The following VWCE variants were observed in gnomAD, a reference collection of about 807,000 sequenced individuals.
The protein encoded by VWCE is von Willebrand factor C and EGF domains.
In VWCE, 68 loss-of-function variants were observed where a neutral mutation model predicts 102.9. That is an observed-to-expected ratio of 0.66 (90% CI 0.54 to 0.81). The LOEUF is 0.81. Among genes scored for constraint, VWCE ranks in the 30% least tolerant of loss-of-function variants. The pLI, the probability that VWCE is intolerant of heterozygous loss-of-function variation, is 0.00. For missense variants in VWCE, 1,137 were observed against 1,263.6 expected, an observed-to-expected ratio of 0.90 and a Z score of 1.52; for synonymous variants, 497 against 515.4, an observed-to-expected ratio of 0.96 and a Z score of 0.48.
chr11:61,294,857 C>A lies in VWCE; in HGVS notation c.110+71G>T. 1 of 1,120,538 alleles carries A rather than the reference C, an allele frequency of 8.9e-7. No individual in the cohort carries two copies. The highest frequency in any genetic ancestry group is 1.2e-6 in the Non-Finnish European group (1 of 865,666). 69.4% of individuals were successfully genotyped at this position (1,120,538 alleles called of 1,614,324 possible). A position where few individuals can be genotyped will look rare whatever the true frequency, so the allele number is the denominator to read the frequency against. ...CTGCCTGCGGCTCCTGAGCGCCCCT[C>A]CGCGCCTCTCGACTGCACGCCGGTA... On this transcript the variant is annotated intron_variant, in intron 1 of 19. Coordinates refer to ENST00000335613, the MANE Select transcript of VWCE (RefSeq NM_152718.2). This position sits in a 1 kb window ranked among gnomAD's most constrained non-coding sequence, Gnocchi z 6.3.
intron 19 of VWCE, among the ~76,000 whole-genome samples, chr11:61,259,521 C>T (rs1023642933): frequency 3.9e-5 from 6 of 152,154 alleles, no homozygotes; most frequent in African/African-American, 9.7e-5. Context: ...TGTGACCTCA[C>T]GCAAGGCATG....
rs1450032446 is a variant in VWCE, at chr11:61,273,201, G to C, written c.1697C>G (p.Thr566Arg). ...GGGGCAGCCCTGGACCAGCTCACCT[G>C]TCGAGGGTGTGGGCTCCTGGCAGGT... ...CFTCQEPTPS[T>R]GCSLDDNGVE... Residue 566 changes from threonine to arginine, a missense_variant and splice_region_variant, in exon 13 of 20, where the codon ACA (threonine) becomes AGA (arginine). This residue lies in a region of VWCE where 212 missense variants were observed against 235.1 expected (regional missense o/e 0.90). Transcript: ENST00000335613. The C allele has an allele frequency of 6.2e-7, 1 of 1,613,970 alleles. No individual in the cohort carries two copies. The highest frequency in any genetic ancestry group is 1.1e-5 in the South Asian group (1 of 91,052).
At chr11:61,268,873 T>C (rs769278535) in intron 15 of VWCE, 49 bp downstream of exon 15, 3 of 1,594,880 alleles carry the variant, frequency 1.9e-6, no homozygotes, top group East Asian at 2.2e-5. Flanking sequence ...AGGAGCCCGA[T>C]GCCTGAGATG....
rs566893220 is a variant in VWCE, at chr11:61,280,655, G to A, written c.1293C>T (p.Ser431=). ...CEAACSHPIP[S]RDGGCCPSCT... ...ACGATGGGCAGCACCCACCATCTCT[G>A]GAGGGAATTGGGTGGGAACAAGCAG... The change falls in exon 9 of 20, where the codon TCC becomes TCT. Residue 431 remains serine (S), a synonymous_variant. Transcript: ENST00000335613. 1 of 1,614,060 alleles carries A rather than the reference G, an allele frequency of 6.2e-7. No individual in the cohort carries two copies. Among genetic ancestry groups the A allele is most frequent in the East Asian group, 2.2e-5 (1 of 44,850 alleles).
At chr11:61,288,365 C>T (rs1855398752) in intron 4 of VWCE, among the ~76,000 whole-genome samples, 1 of 152,084 alleles carries the variant, frequency 6.6e-6, no homozygotes, top group Non-Finnish European at 1.5e-5. Context: ...GCTCAGTCTA[C>T]TCAATCTGCA....
rs79452691 is a variant in VWCE, at chr11:61,277,846, T to A, written c.1407+548A>T. Reference sequence around the variant, plus strand: ...GTAGATGCTCCTAATCAGCATTTTCTTTTTTTTTTTAAGACAGAGGCTCGC... The same window carrying A: ...GTAGATGCTCCTAATCAGCATTTTCATTTTTTTTTTAAGACAGAGGCTCGC... On this transcript the variant is annotated intron_variant, in intron 10 of 19. Transcript: ENST00000335613. 3.4e-5 allele frequency among the ~76,000 whole-genome samples: 5 copies of A among 146,276 alleles called. 1 individual carries two copies. Among genetic ancestry groups the A allele is most frequent in the African/African-American group, 1.2e-4 (5 of 40,102 alleles).
intron 1 of VWCE, among the ~76,000 whole-genome samples, chr11:61,292,823 C>T (rs1855548380): frequency 6.6e-6 from 1 of 151,950 alleles, no homozygotes; most frequent in Non-Finnish European, 1.5e-5. Context: ...AGGGGGGGTT[C>T]CTGGAAGGGC....
chr11:61,274,518 C>A lies in VWCE; in HGVS notation c.1562G>T (p.Cys521Phe). 1 of 1,612,584 alleles carries A rather than the reference C, an allele frequency of 6.2e-7. No homozygotes were observed. Among genetic ancestry groups the A allele is most frequent in the Non-Finnish European group, 8.5e-7 (1 of 1,179,464 alleles). Residue 521 changes from cysteine (C) to phenylalanine (F), a missense_variant, in exon 12 of 20, where the codon TGT becomes TTT. Cys to Phe is a radical substitution (Grantham distance 205). Coordinates refer to ENST00000335613, the MANE Select transcript of VWCE (RefSeq NM_152718.2). ...GAVFSGGGDE[C>F]TTCVCQNGEV... ...CCATACCTGGCAAACACAGGTGGTA[C>A]ACTCGTCACCACCCCCACTGAACAC... is the stretch of plus-strand genomic sequence containing the variant.
At chr11:61,290,044 C>T (rs1855450676) in intron 4 of VWCE, among the ~76,000 whole-genome samples, 1 of 152,114 alleles carries the variant, frequency 6.6e-6, no homozygotes, top group African/African-American at 2.4e-5. Flanking sequence ...TTGAGTTTAG[C>T]GTCCCTCATC....
intron 14 of VWCE, 52 bp downstream of exon 14, chr11:61,271,623 T>C (rs375477341): frequency 6.5e-7 from 1 of 1,543,526 alleles, no homozygotes; most frequent in African/African-American, 1.4e-5. Flanking sequence ...CTCCTCTGGG[T>C]GAGGCGGGGC....
chr11:61,291,546 A>G lies in VWCE; in HGVS notation c.141T>C (p.Ser47=). 1.4e-6 allele frequency: 2 copies of G among 1,472,486 alleles called. No individual in the cohort carries two copies. The highest frequency in any genetic ancestry group is 1.8e-6 in the Non-Finnish European group (2 of 1,105,920). 91.2% of individuals were successfully genotyped at this position (1,472,486 alleles called of 1,614,324 possible). Residue 47 remains serine (S), a synonymous_variant, in exon 2 of 20, where the codon TCT becomes TCC. Transcript: ENST00000335613. ...CAGGGCAGCAGCCACTCCCAAACCCAGAGAGGCAGACGTGGGGGCCCAGTC... is the reference window on the plus strand; with the variant it reads ...CAGGGCAGCAGCCACTCCCAAACCCGGAGAGGCAGACGTGGGGGCCCAGTC... ...RRRLGPHVCL[S]GFGSGCCPGW...
chr11:61,280,234 C>G (rs1276385172), intron 9 of VWCE, among the ~76,000 whole-genome samples: 2 of 152,082 alleles, frequency 1.3e-5, no homozygotes, highest in Admixed American at 1.3e-4. Context: ...GGTAACTGGG[C>G]AGGAGAAGGG....
intron 1 of VWCE, among the ~76,000 whole-genome samples, chr11:61,293,309 C>G (rs1043037649): frequency 6.9e-6 from 1 of 145,762 alleles, no homozygotes; most frequent in Non-Finnish European, 1.5e-5. Context: ...CCCAGCTGCT[C>G]GAGAGGCTGA....
At chr11:61,280,750 A>G (rs753432588) in intron 8 of VWCE, 33 bp from the exon 9 acceptor site, 1 of 1,613,482 alleles carries the variant, frequency 6.2e-7, no homozygotes, top group East Asian at 2.2e-5. Flanking sequence ...GAGCCACCAC[A>G]AGGCCCCAGA....
At chr11:61,278,072 AT>A (rs1372700365) in intron 10 of VWCE, among the ~76,000 whole-genome samples, 1 of 152,114 alleles carries the variant, frequency 6.6e-6, no homozygotes, top group Non-Finnish European at 1.5e-5. Context: ...GCTGGCAAAT[AT>A]TTTGCCTGGA....
At chr11:61,290,070 T>C (rs1855451814) in intron 4 of VWCE, among the ~76,000 whole-genome samples, 1 of 152,224 alleles carries the variant, frequency 6.6e-6, no homozygotes, top group Admixed American at 6.5e-5. Flanking sequence ...AATGTCATTT[T>C]CCCAAGGAGC....
chr11:61,291,533 C>A lies in VWCE; in HGVS notation c.154G>T (p.Gly52Cys). 1 of 1,498,152 alleles carries A rather than the reference C, an allele frequency of 6.7e-7. No homozygotes were observed. Among genetic ancestry groups the A allele is most frequent in the South Asian group, 1.3e-5 (1 of 75,546 alleles). 92.8% of individuals were successfully genotyped at this position (1,498,152 alleles called of 1,614,324 possible). The change falls in exon 2 of 20, where the codon GGC becomes TGC. Residue 52 changes from glycine (G) to cysteine (C), a missense_variant. Physicochemically the swap from Gly to Cys is radical, Grantham distance 159. Transcript: ENST00000335613. ...GAGGGCGCCCAGCCAGGGCAGCAGC[C>A]ACTCCCAAACCCAGAGAGGCAGACG... ...PHVCLSGFGS[G>C]CCPGWAPSMG...
In VWCE at chr11:61,264,623, C is replaced by T. The variant is rs1352685025; in HGVS notation, c.2140-46G>A. ...CCATGAGGAAGCCCAGAGCATCTTG[C>T]CTGCCCTGGGCAGTGCCCTCAAGGG... On this transcript the variant is annotated intron_variant, in intron 18 of 19. Coordinates refer to ENST00000335613, the MANE Select transcript of VWCE (RefSeq NM_152718.2). The T allele has an allele frequency of 1.9e-6, 3 of 1,560,058 alleles. No homozygotes were observed. In the South Asian group the frequency reaches 3.5e-5, roughly 18 times the overall value.
Position 61,295,283 on chromosome 11 carries a change from G to A in VWCE, c.-246C>T, listed in dbSNP as rs183529474. 2.9e-3 allele frequency: 998 copies of A among 346,364 alleles called. 3 individuals are homozygous for A. The highest frequency in any genetic ancestry group is 3.7e-3 in the Non-Finnish European group (722 of 192,740). 21.5% of individuals were successfully genotyped at this position (346,364 alleles called of 1,614,324 possible). ...TCGAAGCGAAACACACAAAGGCAAC[G>A]CCGCCCGCCTGCTGATGCCTCTCCG... On this transcript the variant is annotated 5_prime_UTR_variant, in exon 1 of 20. Transcript: ENST00000335613. The surrounding 1 kb of genome is among the most constrained non-coding windows in gnomAD (Gnocchi z 4.6).
Sources: gnomAD v4.1 joint callset for allele counts (sites outside exome capture counted in the v4.1 genomes callset) on GRCh38, gnomAD v4.1.1 for gene constraint, gnomAD v4.1.1 regional missense constraint, Gnocchi (gnomAD v3.1) non-coding constraint, MANE v1.5 for transcripts, NCBI Gene and HGNC (gene_info 2026-07-23, HGNC 2026-07-21) for gene names.